The following UTRN variants were observed in gnomAD, a reference collection of about 807,000 sequenced individuals.
The protein encoded by UTRN is dystrophin-related protein 1.
Under a neutral mutation model 463.9 loss-of-function variants are expected in UTRN, and 283 were observed. That is an observed-to-expected ratio of 0.61 (90% CI 0.55 to 0.67). The LOEUF is 0.67. Ranked by LOEUF, UTRN falls within the 30% of genes least tolerant of loss-of-function variation. The pLI is 0.00. For synonymous variants in UTRN, 1,442 were observed against 1,431.5 expected (o/e 1.01, Z -0.17); for missense variants, 3,922 against 4,084.3 (o/e 0.96, Z 1.08).
chr6:144,464,163 G>T (rs1789698340), intron 23 of UTRN, among the ~76,000 whole-genome samples: 1 of 152,128 alleles, frequency 6.6e-6, no homozygotes, highest in South Asian at 2.1e-4. Context: ...TAATGAAAAT[G>T]TATGTTTTGA....
chr6:144,523,129 A>T lies in UTRN; in HGVS notation c.5847A>T (p.Thr1949=), dbSNP rs775157095. The T allele has an allele frequency of 6.2e-7, 1 of 1,613,462 alleles. No individual in the cohort carries two copies. Among genetic ancestry groups the T allele is most frequent in the Non-Finnish European group, 8.5e-7 (1 of 1,179,700 alleles). Residue 1949 remains threonine (T), a synonymous_variant, in exon 41 of 75, where the codon ACA becomes ACT. Coordinates refer to ENST00000367545, the MANE Select transcript of UTRN (RefSeq NM_007124.3). ...CTGAAGCCATTCAGATCAGAGATAC[A>T]CTTACTCAGCTGAATGCAAAATGGG... The part of the protein sequence containing the change: ...SGPEAIQIRD[T]LTQLNAKWDR...
At chr6:144,566,339 C>T (rs1800398764) in intron 50 of UTRN, among the ~76,000 whole-genome samples, 1 of 152,010 alleles carries the variant, frequency 6.6e-6, no homozygotes, top group South Asian at 2.1e-4. Context: ...TATTGCTGGG[C>T]AGTAATGAGT....
At chr6:144,517,954 CT>C in intron 39 of UTRN, among the ~76,000 whole-genome samples, 1 of 152,312 alleles carries the variant, frequency 6.6e-6, no homozygotes, top group East Asian at 1.9e-4. Context: ...CCTCAACATC[CT>C]TCTTAACTAT....
intron 74 of UTRN, among the ~76,000 whole-genome samples, chr6:144,850,691 A>G (rs1233486507): frequency 6.6e-6 from 1 of 152,124 alleles, no homozygotes; most frequent in Non-Finnish European, 1.5e-5. Context: ...CACCAGCCTC[A>G]TTCGCTCACC....
At chr6:144,795,702 A>G (rs1455028987) in intron 63 of UTRN, among the ~76,000 whole-genome samples, 1 of 152,028 alleles carries the variant, frequency 6.6e-6, no homozygotes, top group African/African-American at 2.4e-5. Context: ...TCCTTTGCCC[A>G]CTTTTTGATG....
Position 144,686,108 on chromosome 6 carries a change from C to T in UTRN, c.7652+7530C>T, listed in dbSNP as rs192772124. ...AAATAGGAATTCAGTTTCATTCTTC[C>T]ACATGTGACTTTCCAGTGTTCCCAG... On this transcript the variant is annotated intron_variant, in intron 52 of 74. Coordinates refer to ENST00000367545, the MANE Select transcript of UTRN (RefSeq NM_007124.3). Among the ~76,000 whole-genome samples the T allele has an allele frequency of 1.0e-3, 156 of 152,064 alleles. 1 individual carries two copies. Among genetic ancestry groups the T allele is most frequent in the Admixed American group, 1.3e-3 (20 of 15,268 alleles).
At chr6:144,445,006 A>G (rs372924661) in intron 14 of UTRN, among the ~76,000 whole-genome samples, 5 of 152,302 alleles carry the variant, frequency 3.3e-5, no homozygotes, top group African/African-American at 1.2e-4. Context: ...AACAAAATAC[A>G]AATAAACAAA....
At chr6:144,295,314 A>G (rs1390737334) in intron 2 of UTRN, among the ~76,000 whole-genome samples, 1 of 152,234 alleles carries the variant, frequency 6.6e-6, no homozygotes, top group African/African-American at 2.4e-5. Context: ...GTAACACAGA[A>G]TAAGTCATCC....
chr6:144,355,930 T>A (rs1458906359), intron 2 of UTRN, among the ~76,000 whole-genome samples: 1 of 152,236 alleles, frequency 6.6e-6, no homozygotes, highest in African/African-American at 2.4e-5. Flanking sequence ...TTAGAAATAT[T>A]TTAAAATTTG....
intron 2 of UTRN, among the ~76,000 whole-genome samples, chr6:144,379,101 A>G (rs928586035): frequency 6.6e-6 from 1 of 152,222 alleles, no homozygotes; most frequent in Admixed American, 6.5e-5. Context: ...TCTGTGAGCT[A>G]TCTCAGTGGA....
intron 2 of UTRN, among the ~76,000 whole-genome samples, chr6:144,338,602 C>T (rs1776910352): frequency 6.6e-6 from 1 of 152,094 alleles, no homozygotes; most frequent in Non-Finnish European, 1.5e-5. Flanking sequence ...GATTTTGAAG[C>T]TGGGCAGGTG....
chr6:144,730,044 A>G (rs922385016), intron 53 of UTRN, among the ~76,000 whole-genome samples: 4 of 152,274 alleles, frequency 2.6e-5, no homozygotes, highest in African/African-American at 9.6e-5. Context: ...TATTTTATCA[A>G]TCTGACATCA....
At chr6:144,583,260 G>A (rs1055218187) in intron 51 of UTRN, 6 of 393,404 alleles carry the variant, frequency 1.5e-5, no homozygotes, top group Admixed American at 4.4e-5. Context: ...CTGCCTGTGA[G>A]CATCTGCTGG....
Position 144,748,369 on chromosome 6 carries a change from A to G in UTRN, c.8063A>G (p.Lys2688Arg), listed in dbSNP as rs1429213162. The change falls in exon 55 of 75, where the codon AAG becomes AGG. Residue 2688 changes from lysine to arginine, a missense_variant. Lys to Arg is a conservative substitution (Grantham distance 26). This residue lies in a region of UTRN where 1,309 missense variants were observed against 1,452.6 expected (regional missense o/e 0.90). Transcript: ENST00000367545. Reference protein sequence around the residue: ...VTSNWQKQVDKALEKLRDLQG... With the variant: ...VTSNWQKQVDRALEKLRDLQG... ...AGCAATTGGCAAAAGCAAGTGGACA[A>G]GGCATTGGAGAAACTCAGAGACCTG... is the stretch of plus-strand genomic sequence containing the variant. 6.2e-7 allele frequency: 1 copy of G among 1,613,892 alleles called. No homozygotes were observed. The highest frequency in any genetic ancestry group is 8.5e-7 in the Non-Finnish European group (1 of 1,179,934).
intron 51 of UTRN, among the ~76,000 whole-genome samples, chr6:144,623,810 C>A (rs1230158829): frequency 1.3e-5 from 2 of 152,092 alleles, no homozygotes; most frequent in African/African-American, 4.8e-5. Context: ...AATTATCCTG[C>A]ATTGGTAGGG....
chr6:144,444,522 C>A, intron 14 of UTRN, 140 bp downstream of exon 14: 1 of 494,100 alleles, frequency 2.0e-6, no homozygotes. Context: ...GATCAAATTT[C>A]TATCCAGTTT....
chr6:144,705,144 A>T (rs1332117367), intron 53 of UTRN, among the ~76,000 whole-genome samples: 1 of 152,124 alleles, frequency 6.6e-6, no homozygotes. Context: ...TTTAGGGTGC[A>T]CTGGAGGCAG....
chr6:144,717,004 A>G (rs543554379), intron 53 of UTRN, among the ~76,000 whole-genome samples: 3 of 152,200 alleles, frequency 2.0e-5, no homozygotes, highest in Non-Finnish European at 4.4e-5. Context: ...CTTAGGATAT[A>G]TTCCCAAAAG....
At chr6:144,579,717 A>G (rs760117715) in intron 51 of UTRN, among the ~76,000 whole-genome samples, 3 of 152,224 alleles carry the variant, frequency 2.0e-5, no homozygotes, top group Admixed American at 6.5e-5. Context: ...ATTAAAATAC[A>G]TTATAATGCT....
Sources: allele counts gnomAD v4.1 joint callset (sites outside exome capture counted in the v4.1 genomes callset), GRCh38; gene constraint gnomAD v4.1.1; regional missense constraint gnomAD v4.1.1; transcripts MANE v1.5; gene names NCBI Gene and HGNC (gene_info 2026-07-23, HGNC 2026-07-21).